CCDC7: variants seen among roughly 807,000 people sequenced by gnomAD.
CCDC7 encodes coiled-coil domain containing 7.
CCDC7 carries 183 observed loss-of-function variants against 196.9 expected under a neutral mutation model. The observed-to-expected ratio is 0.93, with a 90% CI of 0.82 to 1.05. The LOEUF is 1.05. Among genes scored for constraint, CCDC7 ranks in the 50% least tolerant of loss-of-function variants. The pLI is 0.00. For synonymous variants in CCDC7, 525 were observed against 484.6 expected, an observed-to-expected ratio of 1.08 and a Z score of -1.10; for missense variants, 1,540 against 1,482.2, an observed-to-expected ratio of 1.04 and a Z score of -0.64.
chr10:32,682,945 G>T (rs1591550360), intron 21 of CCDC7, among the ~76,000 whole-genome samples: 1 of 152,056 alleles, frequency 6.6e-6, no homozygotes, highest in African/African-American at 2.4e-5. Flanking sequence ...TCTGTAGGTT[G>T]TCTATTTGCT....
intron 29 of CCDC7, among the ~76,000 whole-genome samples, chr10:32,790,009 G>A (rs1186640184): frequency 6.6e-6 from 1 of 152,200 alleles, no homozygotes; most frequent in African/African-American, 2.4e-5. Context: ...ACACTTGGGT[G>A]GGGGTTGGGC....
exon 22 of CCDC7, chr10:32,686,013 A>T (rs144991128): frequency 2.1e-5 from 34 of 1,590,698 alleles, no homozygotes; most frequent in Non-Finnish European, 2.8e-5. Context: ...TTGAGCATCA[A>T]GAATCATTGT....
intron 31 of CCDC7, among the ~76,000 whole-genome samples, chr10:32,816,954 T>A (rs1211382621): frequency 6.6e-6 from 1 of 152,092 alleles, no homozygotes; most frequent in African/African-American, 2.4e-5. Flanking sequence ...GGAAAGCAGC[T>A]CCTCACAAGC....
At chr10:32,777,305 G>T (rs1458245476) in intron 28 of CCDC7, among the ~76,000 whole-genome samples, 1 of 152,146 alleles carries the variant, frequency 6.6e-6, no homozygotes, top group Admixed American at 6.5e-5. Flanking sequence ...CGTTGATTCT[G>T]TGTCTTTGCT....
At chr10:32,854,525 A>T (rs779311871) in intron 41 of CCDC7, 36 bp downstream of exon 42, 1 of 1,287,770 alleles carries the variant, frequency 7.8e-7, no homozygotes, top group East Asian at 2.4e-5. Context: ...ATATGAAATA[A>T]AACTTTATGC....
At chr10:32,556,736 G>C (rs1333622064) in intron 13 of CCDC7, among the ~76,000 whole-genome samples, 1 of 152,142 alleles carries the variant, frequency 6.6e-6, no homozygotes, top group Non-Finnish European at 1.5e-5. Context: ...AAAAAGTCAT[G>C]TTTGCTTTCT....
intron 11 of CCDC7, among the ~76,000 whole-genome samples, chr10:32,532,134 T>C (rs2049774042): frequency 6.6e-6 from 1 of 152,148 alleles, no homozygotes; most frequent in African/African-American, 2.4e-5. Flanking sequence ...CATTAGGTTA[T>C]TTGAAGTCTT....
chr10:32,671,791 G>A (rs889394483), intron 21 of CCDC7, among the ~76,000 whole-genome samples: 1 of 152,052 alleles, frequency 6.6e-6, no homozygotes, highest in African/African-American at 2.4e-5. Context: ...CTGCAGTTCT[G>A]GCACTCATGA....
At chr10:32,839,322 T>C (rs2092822604) in intron 33 of CCDC7, among the ~76,000 whole-genome samples, 1 of 151,830 alleles carries the variant, frequency 6.6e-6, no homozygotes, top group Non-Finnish European at 1.5e-5. Flanking sequence ...AAAGATGTCC[T>C]GTGCAAATGG....
intron 28 of CCDC7, among the ~76,000 whole-genome samples, chr10:32,743,282 T>G (rs572178620): frequency 6.6e-6 from 1 of 152,322 alleles, no homozygotes; most frequent in African/African-American, 2.4e-5. Flanking sequence ...TTGTTTGAGT[T>G]ATTTATAGAT....
chr10:32,465,441 C>CT (rs34042956), intron 5 of CCDC7, among the ~76,000 whole-genome samples: 1 of 140,598 alleles, frequency 7.1e-6, no homozygotes, highest in African/African-American at 2.6e-5. Context: ...ATTAAACAGA[C>CT]TTTTTTTTTT....
chr10:32,470,950 GA>G (rs2037819212), intron 5 of CCDC7, 113 bp from the exon 7 acceptor site: 23 of 1,037,792 alleles, frequency 2.2e-5, no homozygotes, highest in Non-Finnish European at 3.1e-5. Context: ...TATAGCTATA[GA>G]TAAGAAAAAT....
intron 13 of CCDC7, among the ~76,000 whole-genome samples, chr10:32,552,620 G>A (rs1164332174): frequency 6.6e-6 from 1 of 152,128 alleles, no homozygotes; most frequent in Admixed American, 6.5e-5. Flanking sequence ...CTTGGTAATG[G>A]CGAATTCTCT....
chr10:32,873,046 T>G (rs144836873), intron 41 of CCDC7, among the ~76,000 whole-genome samples: 13,805 of 151,954 alleles, frequency 0.091, 875 homozygotes, highest in East Asian at 0.33. Flanking sequence ...GAGTATCTTT[T>G]TGGCTTTCTC....
intron 41 of CCDC7, among the ~76,000 whole-genome samples, chr10:32,871,361 C>G (rs1306405500): frequency 6.6e-6 from 1 of 152,120 alleles, no homozygotes; most frequent in Non-Finnish European, 1.5e-5. Context: ...TTATCCATTT[C>G]TTCTAGATTT....
intron 31 of CCDC7, among the ~76,000 whole-genome samples, chr10:32,819,432 AG>A (rs1425322813): frequency 6.6e-6 from 1 of 152,214 alleles, no homozygotes; most frequent in Non-Finnish European, 1.5e-5. Flanking sequence ...TCCAACCAAT[AG>A]AAAAAGAGGG....
At chr10:32,797,577 C>T (rs10827133) in intron 29 of CCDC7, among the ~76,000 whole-genome samples, 2 of 131,984 alleles carry the variant, frequency 1.5e-5, no homozygotes, top group Non-Finnish European at 3.4e-5. Flanking sequence ...TACTGCTCGT[C>T]TGATGGGCGC....
chr10:32,650,077 G>A (rs771385428), intron 20 of CCDC7, among the ~76,000 whole-genome samples: 1 of 152,152 alleles, frequency 6.6e-6, no homozygotes, highest in Non-Finnish European at 1.5e-5. Context: ...GAGGCAAGGC[G>A]ACATTCTGGC....
At chr10:32,844,201 C>T (rs1056474433) in intron 33 of CCDC7, among the ~76,000 whole-genome samples, 5 of 151,816 alleles carry the variant, frequency 3.3e-5, no homozygotes. Flanking sequence ...TGTTATATGA[C>T]CTAGTCAGTA....
Sources: allele counts gnomAD v4.1 joint callset (sites outside exome capture counted in the v4.1 genomes callset), GRCh38; gene constraint gnomAD v4.1.1; transcripts MANE v1.5; gene names NCBI Gene and HGNC (gene_info 2026-07-23, HGNC 2026-07-21).